Variants in RCOR3 observed in about 807,000 individuals in gnomAD.
RCOR3 encodes REST corepressor 3.
Under a neutral mutation model 64.1 loss-of-function variants are expected in RCOR3, and 13 were observed. The ratio of observed to expected loss-of-function variants is 0.20; its 90% CI spans 0.13 to 0.32. The LOEUF is 0.32. RCOR3 is among the 10% of genes least tolerant of loss of function. The pLI is 1.00. For synonymous variants in RCOR3, 215 were observed against 239.0 expected (o/e 0.90, Z 0.93); for missense variants, 489 against 701.2 (o/e 0.70, Z 3.42).
Position 211,293,951 on chromosome 1 carries a change from T to A in RCOR3, c.940-1725T>A, listed in dbSNP as rs368666928. On this transcript the variant is annotated intron_variant, in intron 8 of 11. Transcript: ENST00000419091. ...TAGAGTAAAAGTTAAAAACTTGGTA[T>A]AGTTTAAATTCAGGTTGTATCTCCT... is the stretch of plus-strand genomic sequence containing the variant. Among the ~76,000 whole-genome samples the A allele has an allele frequency of 2.6e-5, 4 of 152,216 alleles. No individual in the cohort carries two copies. In the East Asian group the frequency reaches 5.8e-4, roughly 22 times the overall value.
At chr1:211,289,102 T>C in intron 7 of RCOR3, 76 bp from the exon 8 acceptor site, 1 of 1,110,436 alleles carries the variant, frequency 9.0e-7, no homozygotes, top group African/African-American at 1.6e-5. Flanking sequence ...CAGATACTTC[T>C]AATATTAATA....
At chr1:211,298,203 T>C (rs141388385) in intron 9 of RCOR3, among the ~76,000 whole-genome samples, 114 of 152,312 alleles carry the variant, frequency 7.5e-4, no homozygotes, top group African/African-American at 2.6e-3. Context: ...TAAGACAAAC[T>C]GATCAAAGTT....
chr1:211,266,112 C>G (rs1695139807), intron 2 of RCOR3, among the ~76,000 whole-genome samples: 1 of 152,054 alleles, frequency 6.6e-6, no homozygotes, highest in South Asian at 2.1e-4. Flanking sequence ...AATTGATTCT[C>G]TTAAAATTTT....
intron 10 of RCOR3, among the ~76,000 whole-genome samples, chr1:211,306,793 G>C (rs916614053): frequency 2.6e-4 from 39 of 152,092 alleles, no homozygotes; most frequent in African/African-American, 8.9e-4. Flanking sequence ...GAAGAGAGGG[G>C]AACCATGCTC....
chr1:211,301,144 T>C (rs1449603342), intron 9 of RCOR3, among the ~76,000 whole-genome samples: 2 of 152,178 alleles, frequency 1.3e-5, no homozygotes, highest in Non-Finnish European at 2.9e-5. Context: ...CTGAGTAAGA[T>C]ATGACTCCAT....
At chr1:211,303,524 A>G (rs1700585971) in intron 9 of RCOR3, 1 of 152,388 alleles carries the variant, frequency 6.6e-6, no homozygotes, top group Non-Finnish European at 1.5e-5. Flanking sequence ...CAGTGGGTAT[A>G]CACTAATGAA....
chr1:211,296,338 TA>T (rs35425562), intron 9 of RCOR3, among the ~76,000 whole-genome samples: 145,500 of 152,158 alleles, frequency 0.96, 69,632 homozygotes, highest in East Asian at 1. Context: ...TAGGGGTACT[TA>T]ACATTCCCTT....
Position 211,259,590 on chromosome 1 carries a change from G to A in RCOR3, c.30G>A (p.Glu10=). 1 of 1,548,260 alleles carries A rather than the reference G, an allele frequency of 6.5e-7. No individual in the cohort carries two copies. Among genetic ancestry groups the A allele is most frequent in the Non-Finnish European group, 8.7e-7 (1 of 1,146,014 alleles). The change falls in exon 1 of 12, where the codon GAG becomes GAA. Residue 10 remains glutamate (E), a synonymous_variant. Transcript: ENST00000419091. ...CCGGCATGATGGAGAAAGGGCCCGAGTTACTGGGGAAGAACCGATCGGCCA... is the reference window on the plus strand; with the variant it reads ...CCGGCATGATGGAGAAAGGGCCCGAATTACTGGGGAAGAACCGATCGGCCA... MPGMMEKGP[E]LLGKNRSANG...
At chr1:211,283,066 C>A (rs1239630901) in intron 7 of RCOR3, among the ~76,000 whole-genome samples, 1 of 152,216 alleles carries the variant, frequency 6.6e-6, no homozygotes, top group African/African-American at 2.4e-5. Context: ...AACTTATTCA[C>A]TCTCCAATTA....
At chr1:211,271,200 T>C (rs1696137829) in intron 2 of RCOR3, 32 bp from the exon 3 acceptor site, 1 of 1,573,898 alleles carries the variant, frequency 6.4e-7, no homozygotes, top group African/African-American at 1.4e-5. Context: ...ATAAAATCCA[T>C]CATATTCAAA....
chr1:211,293,577 T>C (rs1047445105), intron 8 of RCOR3, among the ~76,000 whole-genome samples: 1 of 152,228 alleles, frequency 6.6e-6, no homozygotes, highest in African/African-American at 2.4e-5. Context: ...CATCAACATA[T>C]ATAGAAGCAC....
chr1:211,295,504 A>G (rs1699769709), intron 8 of RCOR3, among the ~76,000 whole-genome samples, 172 bp from the exon 9 acceptor site: 1 of 152,214 alleles, frequency 6.6e-6, no homozygotes, highest in Non-Finnish European at 1.5e-5. Context: ...ATTAGTTCAT[A>G]CATGTATAAG....
intron 7 of RCOR3, among the ~76,000 whole-genome samples, chr1:211,288,574 A>T (rs1473857980): frequency 6.8e-6 from 1 of 147,172 alleles, no homozygotes; most frequent in Non-Finnish European, 1.5e-5. Flanking sequence ...ATATTTTATT[A>T]TATTTATTTT....
intron 10 of RCOR3, among the ~76,000 whole-genome samples, chr1:211,308,661 G>GTTTTTTTGTT (rs1701115898): frequency 2.9e-4 from 8 of 27,494 alleles, no homozygotes; most frequent in African/African-American, 8.8e-4. Flanking sequence ...TTTTGGATGT[G>GTTTTTTTGTT]TTTTTTTTTT....
chr1:211,290,194 C>G (rs374508344), intron 8 of RCOR3, among the ~76,000 whole-genome samples: 21 of 152,178 alleles, frequency 1.4e-4, no homozygotes, highest in African/African-American at 4.8e-4. Context: ...TCTATATCAA[C>G]CAACCCTATA....
chr1:211,282,412 CTATT>C, intron 7 of RCOR3, among the ~76,000 whole-genome samples: 1 of 151,702 alleles, frequency 6.6e-6, no homozygotes, highest in East Asian at 1.9e-4. Context: ...AAGTTGTGAA[CTATT>C]TAAAGAAAAA....
In RCOR3 at chr1:211,314,063, T is replaced by A; in HGVS notation, c.*295T>A. 1 of 295,030 alleles carries A rather than the reference T, an allele frequency of 3.4e-6. No homozygotes were observed. Among genetic ancestry groups the A allele is most frequent in the Non-Finnish European group, 6.3e-6 (1 of 158,142 alleles). 18.3% of individuals were successfully genotyped at this position (295,030 alleles called of 1,614,324 possible). A position where few individuals can be genotyped will look rare whatever the true frequency, so the allele number is the denominator to read the frequency against. ...AGTATTCTATATACCAAGTTTTTGTTTTGTTTTTACTGTATTTATTTTATT... is the reference window on the plus strand; with the variant it reads ...AGTATTCTATATACCAAGTTTTTGTATTGTTTTTACTGTATTTATTTTATT... On this transcript the variant is annotated 3_prime_UTR_variant, in exon 12 of 12. Transcript: ENST00000419091.
rs1266134877 is a variant in RCOR3, at chr1:211,315,902, T to G, written c.*2134T>G. 6.6e-6 allele frequency: 1 copy of G among 152,248 alleles called. No individual in the cohort carries two copies. The highest frequency in any genetic ancestry group is 1.5e-5 in the Non-Finnish European group (1 of 68,032). 9.4% of individuals were successfully genotyped at this position (152,248 alleles called of 1,614,324 possible). ...TAGTGAGATGTCTTTATTGTGTGCTTTGCATATTTTGTAAATATTTTGCAC... is the reference window on the plus strand; with the variant it reads ...TAGTGAGATGTCTTTATTGTGTGCTGTGCATATTTTGTAAATATTTTGCAC... On this transcript the variant is annotated 3_prime_UTR_variant, in exon 12 of 12. Coordinates refer to ENST00000419091, the MANE Select transcript of RCOR3 (RefSeq NM_001136223.3).
Position 211,274,159 on chromosome 1 carries a change from G to T in RCOR3, c.302-51G>T, listed in dbSNP as rs536344791. Reference sequence around the variant, plus strand: ...ATGTTAAGAACAAAAGTAGACCTAGGTAAATGAAGTAAATGAGAATAATTA... The same window carrying T: ...ATGTTAAGAACAAAAGTAGACCTAGTTAAATGAAGTAAATGAGAATAATTA... On this transcript the variant is annotated intron_variant, in intron 3 of 11. Transcript: ENST00000419091. 1.7e-5 allele frequency: 21 copies of T among 1,237,482 alleles called. No individual in the cohort carries two copies. In the African/African-American group the frequency reaches 2.7e-4, roughly 16 times the overall value. 76.7% of individuals were successfully genotyped at this position (1,237,482 alleles called of 1,614,324 possible).
Sources: allele counts gnomAD v4.1 joint callset (sites outside exome capture counted in the v4.1 genomes callset), GRCh38; gene constraint gnomAD v4.1.1; transcripts MANE v1.5; gene names NCBI Gene and HGNC (gene_info 2026-07-23, HGNC 2026-07-21).